RPRD1A: variants seen among roughly 807,000 people sequenced by gnomAD.
The protein encoded by RPRD1A is regulation of nuclear pre-mRNA domain-containing protein 1A.
A neutral mutation model predicts 37.8 loss-of-function variants in RPRD1A; 9 were observed. That is an observed-to-expected ratio of 0.24 (90% CI 0.14 to 0.42). The LOEUF is 0.42. Ranked by LOEUF, RPRD1A falls within the 10% of genes least tolerant of loss-of-function variation. The pLI, the probability that RPRD1A is intolerant of heterozygous loss-of-function variation, is 1.00. For missense variants in RPRD1A, 255 were observed against 371.0 expected (o/e 0.69, Z 2.57); for synonymous variants, 138 against 139.7 (o/e 0.99, Z 0.08).
intron 6 of RPRD1A, among the ~76,000 whole-genome samples, chr18:36,010,011 AGTAT>A (rs146375508): frequency 2.0e-3 from 310 of 152,318 alleles, no homozygotes; most frequent in African/African-American, 7.1e-3. Flanking sequence ...CATGTAATGT[AGTAT>A]GTAAGATATA....
At chr18:36,062,582 C>A (rs556416928) in intron 1 of RPRD1A, among the ~76,000 whole-genome samples, 1 of 152,022 alleles carries the variant, frequency 6.6e-6, no homozygotes, top group Non-Finnish European at 1.5e-5. Context: ...ATATTCTATT[C>A]GGCCATAGAA....
At chr18:35,998,894 G>A (rs924587815) in intron 6 of RPRD1A, among the ~76,000 whole-genome samples, 2 of 152,158 alleles carry the variant, frequency 1.3e-5, no homozygotes, top group African/African-American at 4.8e-5. Flanking sequence ...GGTGTGACTT[G>A]CCTTGTGTGC....
At position 36,040,959 on chromosome 18, in the gene RPRD1A, A is replaced by G. The variant is rs1029644959; in HGVS notation, c.152-7122T>C. ...TTGTCTTTCAGAATGAACTACAAAC[A>G]CTGCTCAATTTCAGGTGGAAAAAAA... On this transcript the variant is annotated intron_variant, in intron 1 of 6. Coordinates refer to ENST00000399022, the MANE Select transcript of RPRD1A (RefSeq NM_018170.5). 21 of 675,220 alleles carry G rather than the reference A, an allele frequency of 3.1e-5. No homozygotes were observed. The African/African-American group carries it at 3.2e-4, about 10-fold the overall frequency. The allele number at this position is 675,220 out of a possible 1,614,324, so 41.8% of individuals were successfully genotyped here. A position where few individuals can be genotyped will look rare whatever the true frequency, so the allele number is the denominator to read the frequency against.
chr18:36,032,479 A>C (rs1381153867), intron 2 of RPRD1A, among the ~76,000 whole-genome samples: 2 of 152,246 alleles, frequency 1.3e-5, no homozygotes, highest in Non-Finnish European at 2.9e-5. Flanking sequence ...GAACACCTTA[A>C]GTCTTGCTCA....
At chr18:35,993,425 G>A (rs1908831577) in intron 6 of RPRD1A, 125 bp from the exon 7 acceptor site, 1 of 920,962 alleles carries the variant, frequency 1.1e-6, no homozygotes, top group Non-Finnish European at 1.6e-6. Context: ...GGTTATTCCA[G>A]TGTGAGTTTT....
At chr18:36,064,505 C>A (rs1467394706) in intron 1 of RPRD1A, 1 of 152,284 alleles carries the variant, frequency 6.6e-6, no homozygotes, top group African/African-American at 2.4e-5. Flanking sequence ...TGTAAACGCA[C>A]CAATCAGTGC....
chr18:36,007,623 T>TAC (rs1233741905), intron 6 of RPRD1A, among the ~76,000 whole-genome samples: 1 of 152,110 alleles, frequency 6.6e-6, no homozygotes, highest in Non-Finnish European at 1.5e-5. Context: ...ATCAACATCA[T>TAC]AATTTCCAGA....
At chr18:36,030,561 A>T (rs1269344460) in intron 4 of RPRD1A, among the ~76,000 whole-genome samples, 2 of 151,978 alleles carry the variant, frequency 1.3e-5, no homozygotes, top group Non-Finnish European at 2.9e-5. Context: ...TCTCACATCT[A>T]ACCATATTTG....
intron 1 of RPRD1A, among the ~76,000 whole-genome samples, chr18:36,037,325 G>A (rs1912262175): frequency 6.6e-6 from 1 of 152,110 alleles, no homozygotes; most frequent in African/African-American, 2.4e-5. Context: ...GTTAGTAAGT[G>A]AGTTCTCATG....
chr18:36,000,406 T>A lies in RPRD1A; in HGVS notation c.790-7106A>T, dbSNP rs537916888. Among the ~76,000 whole-genome samples, 17 of 152,340 alleles carry A rather than the reference T, an allele frequency of 1.1e-4. No homozygotes were observed. In the East Asian group the frequency reaches 2.9e-3, roughly 26 times the overall value. On this transcript the variant is annotated intron_variant, in intron 6 of 6. Coordinates refer to ENST00000399022, the MANE Select transcript of RPRD1A (RefSeq NM_018170.5). ...TAAGTAAGTATCATCTAACGAACTG[T>A]CTCACTTCCTTTAGTTCCTTCTCTT...
intron 1 of RPRD1A, among the ~76,000 whole-genome samples, chr18:36,038,147 T>C (rs1912327875): frequency 6.6e-6 from 1 of 152,208 alleles, no homozygotes; most frequent in African/African-American, 2.4e-5. Context: ...AGGGGCCAAA[T>C]GTTCATCCTC....
In RPRD1A at chr18:36,027,157, G is replaced by T. The variant is rs374101743; in HGVS notation, c.613+27C>A. 4.3e-6 allele frequency: 7 copies of T among 1,613,088 alleles called. No individual in the cohort carries two copies. The African/African-American group carries it at 5.3e-5, about 12-fold the overall frequency. ...TTCTCTCATCCCAACTCCCAAAAAAGTTCTGGATCACATTTTCTTTTCTTA... is the reference window on the plus strand; with the variant it reads ...TTCTCTCATCCCAACTCCCAAAAAATTTCTGGATCACATTTTCTTTTCTTA... On this transcript the variant is annotated intron_variant, in intron 5 of 6. Coordinates refer to ENST00000399022, the MANE Select transcript of RPRD1A (RefSeq NM_018170.5).
At chr18:36,060,850 C>T (rs2088894122) in intron 1 of RPRD1A, among the ~76,000 whole-genome samples, 1 of 151,826 alleles carries the variant, frequency 6.6e-6, no homozygotes, top group African/African-American at 2.4e-5. Flanking sequence ...AAAAATAAGC[C>T]CAGCATGGTA....
chr18:36,067,196 G>C, intron 1 of RPRD1A, 58 bp downstream of exon 1: 1 of 1,503,716 alleles, frequency 6.7e-7, no homozygotes, highest in Non-Finnish European at 9.0e-7. Context: ...GGGGTTCCCG[G>C]GGGCGCCTGG....
chr18:36,011,861 G>T (rs1910200824), intron 6 of RPRD1A, among the ~76,000 whole-genome samples: 1 of 152,188 alleles, frequency 6.6e-6, no homozygotes, highest in South Asian at 2.1e-4. Flanking sequence ...CACCTTCCAT[G>T]ATTTCAGTTA....
intron 1 of RPRD1A, among the ~76,000 whole-genome samples, chr18:36,042,176 A>G (rs191526450): frequency 1.9e-4 from 29 of 152,290 alleles, no homozygotes; most frequent in Admixed American, 1.9e-3. Flanking sequence ...ACCTCAGTTA[A>G]ATGGGTTCCT....
chr18:36,046,055 T>C (rs544183326), intron 1 of RPRD1A, among the ~76,000 whole-genome samples: 17 of 152,330 alleles, frequency 1.1e-4, no homozygotes, highest in Non-Finnish European at 2.4e-4. Context: ...GTGATAGAGC[T>C]TTTATGATTA....
intron 2 of RPRD1A, among the ~76,000 whole-genome samples, chr18:36,032,732 C>A (rs913106736): frequency 6.6e-6 from 1 of 152,196 alleles, no homozygotes; most frequent in Non-Finnish European, 1.5e-5. Flanking sequence ...AACATAATTT[C>A]TTGCATAGGC....
chr18:35,999,148 AAC>A, intron 6 of RPRD1A, among the ~76,000 whole-genome samples: 1 of 152,290 alleles, frequency 6.6e-6, no homozygotes, highest in East Asian at 1.9e-4. Context: ...ATAATTAGAA[AAC>A]ACACTTTCTA....
Sources: gnomAD v4.1 joint callset for allele counts (sites outside exome capture counted in the v4.1 genomes callset) on GRCh38, gnomAD v4.1.1 for gene constraint, MANE v1.5 for transcripts, NCBI Gene and HGNC (gene_info 2026-07-23, HGNC 2026-07-21) for gene names.